NT5DC3: variants seen among roughly 807,000 people sequenced by gnomAD.
NT5DC3 encodes 5'-nucleotidase domain-containing protein 3.
Under a neutral mutation model 67.8 loss-of-function variants are expected in NT5DC3, and 42 were observed. The observed-to-expected ratio is 0.62, with a 90% CI of 0.48 to 0.80. The LOEUF (loss-of-function observed/expected upper bound fraction) is 0.80, where lower values mean the gene tolerates loss of function less well. Ranked by LOEUF, NT5DC3 falls within the 30% of genes least tolerant of loss-of-function variation. The pLI is 0.00. For synonymous variants in NT5DC3, 237 were observed against 255.6 expected (o/e 0.93, Z 0.69); for missense variants, 570 against 696.4 (o/e 0.82, Z 2.04).
the NT5DC3 span, among the ~76,000 whole-genome samples, chr12:103,760,421 C>G: frequency 6.6e-6 from 1 of 152,284 alleles, no homozygotes; most frequent in African/African-American, 2.4e-5. Flanking sequence ...CCACCACACT[C>G]AGCTGATTTT....
intron 1 of NT5DC3, among the ~76,000 whole-genome samples, chr12:103,828,236 G>A (rs1887775991): frequency 6.6e-6 from 1 of 152,200 alleles, no homozygotes; most frequent in South Asian, 2.1e-4. Context: ...AAAATGGGCA[G>A]CCTTGTGATC....
At chr12:103,751,479 G>C in the NT5DC3 span, among the ~76,000 whole-genome samples, 1 of 152,196 alleles carries the variant, frequency 6.6e-6, no homozygotes, top group Non-Finnish European at 1.5e-5. Flanking sequence ...AAATGCAGTG[G>C]TGGTGCTGGG....
At chr12:103,753,266 T>G in the NT5DC3 span, 14 of 1,614,220 alleles carry the variant, frequency 8.7e-6, no homozygotes, top group South Asian at 1.5e-4. Flanking sequence ...TGGGCCAGTA[T>G]AAGCTGACCT....
At chr12:103,801,543 C>T (rs1300231657) in intron 4 of NT5DC3, among the ~76,000 whole-genome samples, 4 of 151,874 alleles carry the variant, frequency 2.6e-5, no homozygotes, top group South Asian at 2.1e-4. Context: ...CCACCACGCC[C>T]GGCTAATTTT....
At chr12:103,751,936 TAGGCACAGTTAC>T in the NT5DC3 span, among the ~76,000 whole-genome samples, 30,976 of 152,140 alleles carry the variant, frequency 0.2, 3,504 homozygotes, top group Non-Finnish European at 0.25. Flanking sequence ...GCTTTCCCTA[TAGGCACAGTTAC>T]AGAACCATCC....
At chr12:103,768,296 G>A (rs145698625), downstream of NT5DC3, among the ~76,000 whole-genome samples, 2,579 of 148,026 alleles carry the variant, frequency 0.017, 90 homozygotes, top group East Asian at 0.17. Flanking sequence ...TTAGCCTGGC[G>A]TGGTGGTGCA....
chr12:103,746,582 C>T, the NT5DC3 span: 20 of 1,612,914 alleles, frequency 1.2e-5, no homozygotes, highest in Non-Finnish European at 1.6e-5. Context: ...ATGAAAGTGG[C>T]CCCTTTCTTT....
chr12:103,754,595 G>C, the NT5DC3 span, among the ~76,000 whole-genome samples: 5 of 152,134 alleles, frequency 3.3e-5, no homozygotes, highest in Admixed American at 1.3e-4. Flanking sequence ...TGGTGGTGAT[G>C]ATGGGGAGGA....
rs566217418 is a variant in NT5DC3, at chr12:103,777,865, G to A, written c.1611C>T (p.Phe537=). Residue 537 remains phenylalanine, a synonymous_variant, in exon 14 of 14, where the codon TTC becomes TTT. Transcript: ENST00000392876. The part of the protein sequence containing the change: ...LPAWSERPPT[F]GTPLLQEAQA... Reference sequence around the variant, plus strand: ...GGGCCTCCTGCAGGAGAGGGGTTCCGAAGGTGGGGGGCCTTTCTGACCAGG... The same window carrying A: ...GGGCCTCCTGCAGGAGAGGGGTTCCAAAGGTGGGGGGCCTTTCTGACCAGG... 1.2e-4 allele frequency: 190 copies of A among 1,614,008 alleles called. 1 individual carries two copies. The South Asian group carries it at 1.6e-3, about 14-fold the overall frequency.
At chr12:103,790,286 A>T (rs762953988) in intron 9 of NT5DC3, among the ~76,000 whole-genome samples, 3 of 151,030 alleles carry the variant, frequency 2.0e-5, no homozygotes, top group Non-Finnish European at 4.4e-5. Flanking sequence ...ATTTTATTTT[A>T]TTTTTTTGAG....
chr12:103,830,520 C>T (rs10861110), intron 1 of NT5DC3, among the ~76,000 whole-genome samples: 27,686 of 152,056 alleles, frequency 0.18, 2,657 homozygotes, highest in Middle Eastern at 0.31. Flanking sequence ...TATGTTTGAC[C>T]TCTCACGCTA....
the NT5DC3 span, chr12:103,755,207 G>C: frequency 1.8e-5 from 28 of 1,527,034 alleles, no homozygotes; most frequent in South Asian, 3.1e-4. Context: ...GACTTTATGG[G>C]TTTTATGGCC....
At chr12:103,827,389 C>G (rs1887740477) in intron 1 of NT5DC3, among the ~76,000 whole-genome samples, 1 of 152,160 alleles carries the variant, frequency 6.6e-6, no homozygotes, top group South Asian at 2.1e-4. Flanking sequence ...CTACTTGAGA[C>G]TAATCTATAA....
intron 1 of NT5DC3, among the ~76,000 whole-genome samples, chr12:103,821,333 T>C (rs1052144392): frequency 4.6e-5 from 7 of 152,186 alleles, no homozygotes; most frequent in African/African-American, 1.7e-4. Context: ...CATGATTTTG[T>C]TGGGAAACCT....
chr12:103,834,651 T>C (rs1428926240), intron 1 of NT5DC3, among the ~76,000 whole-genome samples: 1 of 152,214 alleles, frequency 6.6e-6, no homozygotes, highest in African/African-American at 2.4e-5. Flanking sequence ...ACAAAAACTA[T>C]GTCATTTTTC....
At chr12:103,804,560 T>A (rs76263144) in intron 4 of NT5DC3, among the ~76,000 whole-genome samples, 2,096 of 152,034 alleles carry the variant, frequency 0.014, 44 homozygotes, top group African/African-American at 0.045. Flanking sequence ...ATTTTTTTTT[T>A]AAAAAGTGAC....
At chr12:103,800,029 G>A (rs1426041728) in intron 4 of NT5DC3, among the ~76,000 whole-genome samples, 1 of 152,148 alleles carries the variant, frequency 6.6e-6, no homozygotes, top group African/African-American at 2.4e-5. Flanking sequence ...GAAATGTCAC[G>A]CTGTGCTACA....
chr12:103,754,723 G>A, the NT5DC3 span, among the ~76,000 whole-genome samples: 10 of 152,152 alleles, frequency 6.6e-5, no homozygotes. Context: ...CCAGAGGCGG[G>A]TGGATCACTT....
Position 103,777,877 on chromosome 12 carries a change from C to A in NT5DC3, c.1599G>T (p.Arg533Ser), listed in dbSNP as rs200566728. The A allele has an allele frequency of 1.1e-4, 174 of 1,613,974 alleles. No homozygotes were observed. Among genetic ancestry groups the A allele is most frequent in the Non-Finnish European group, 1.4e-4 (170 of 1,180,014 alleles). The change falls in exon 14 of 14, where the codon AGG becomes AGT. Residue 533 changes from arginine (R) to serine (S), a missense_variant. Arg to Ser is a moderately radical substitution (Grantham distance 110). Coordinates refer to ENST00000392876, the MANE Select transcript of NT5DC3 (RefSeq NM_001031701.3). ...GGAGAGGGGTTCCGAAGGTGGGGGG[C>A]CTTTCTGACCAGGCGGGCAGTTCGT... ...LQHELPAWSE[R>S]PPTFGTPLLQ... is the part of the protein sequence containing the mutation.
Sources: allele counts gnomAD v4.1 joint callset (sites outside exome capture counted in the v4.1 genomes callset), GRCh38; gene constraint gnomAD v4.1.1; transcripts MANE v1.5; gene names NCBI Gene and HGNC (gene_info 2026-07-23, HGNC 2026-07-21).